Variants in CRIM1 observed in about 807,000 individuals in gnomAD.
CRIM1 encodes cysteine rich transmembrane BMP regulator 1.
CRIM1 carries 32 observed loss-of-function variants against 116.4 expected under a neutral mutation model. The observed-to-expected ratio is 0.27, with a 90% confidence interval of 0.21 to 0.37. CRIM1 has a LOEUF of 0.37. Among genes scored for constraint, CRIM1 ranks in the 10% least tolerant of loss-of-function variants. The pLI, the probability that CRIM1 is intolerant of heterozygous loss-of-function variation, is 1.00. For synonymous variants in CRIM1, 590 were observed against 509.2 expected (o/e 1.16, Z -2.13); for missense variants, 1,331 against 1,354.8 (o/e 0.98, Z 0.28).
chr2:36,491,260 C>T (rs929528772), intron 7 of CRIM1, among the ~76,000 whole-genome samples: 1 of 152,110 alleles, frequency 6.6e-6, no homozygotes, highest in East Asian at 1.9e-4. Context: ...ATCATATGAT[C>T]GTATTTTAAC....
chr2:36,537,104 T>C (rs574997332), intron 13 of CRIM1, among the ~76,000 whole-genome samples: 27 of 152,184 alleles, frequency 1.8e-4, no homozygotes, highest in Non-Finnish European at 2.9e-4. Flanking sequence ...AGGACACTTA[T>C]CTAACAGGTA....
intron 13 of CRIM1, among the ~76,000 whole-genome samples, chr2:36,527,469 CTG>C (rs1426021821): frequency 1.3e-5 from 2 of 152,132 alleles, no homozygotes; most frequent in Admixed American, 1.3e-4. Context: ...TGTGTTGTGA[CTG>C]TATTTCTTCT....
At chr2:36,455,630 G>T (rs931906279) in intron 4 of CRIM1, among the ~76,000 whole-genome samples, 2 of 152,226 alleles carry the variant, frequency 1.3e-5, no homozygotes, top group Non-Finnish European at 2.9e-5. Flanking sequence ...TGTGCAAGTA[G>T]CCAGTGGTCA....
At chr2:36,378,215 G>A (rs543483337) in intron 1 of CRIM1, 34 of 440,380 alleles carry the variant, frequency 7.7e-5, no homozygotes, top group African/African-American at 5.0e-4. Context: ...TAAGTCGCAG[G>A]TGTTCAGTAA....
chr2:36,443,561 G>A (rs1043512361), intron 4 of CRIM1, among the ~76,000 whole-genome samples: 13 of 152,088 alleles, frequency 8.5e-5, no homozygotes, highest in Non-Finnish European at 1.9e-4. Context: ...TTCGTTCTGC[G>A]TTTAATAGGA....
intron 2 of CRIM1, among the ~76,000 whole-genome samples, chr2:36,409,542 A>G (rs1004679791): frequency 6.6e-6 from 1 of 152,178 alleles, no homozygotes; most frequent in Non-Finnish European, 1.5e-5. Flanking sequence ...ATGAATATGG[A>G]AAGGACCTCG....
At chr2:36,428,159 T>C (rs1674602584) in intron 2 of CRIM1, among the ~76,000 whole-genome samples, 1 of 152,194 alleles carries the variant, frequency 6.6e-6, no homozygotes, top group South Asian at 2.1e-4. Context: ...ATGAGAAGGT[T>C]AGGATGATGA....
chr2:36,366,887 A>T (rs563460991), intron 1 of CRIM1, among the ~76,000 whole-genome samples: 1 of 152,214 alleles, frequency 6.6e-6, no homozygotes, highest in Non-Finnish European at 1.5e-5. Flanking sequence ...AGACTTTATG[A>T]AGTAGTTGGA....
At chr2:36,478,976 C>G (rs1016876728) in intron 6 of CRIM1, among the ~76,000 whole-genome samples, 1 of 152,186 alleles carries the variant, frequency 6.6e-6, no homozygotes, top group African/African-American at 2.4e-5. Flanking sequence ...TATGTCTAGA[C>G]TAGCCTTGTC....
intron 2 of CRIM1, among the ~76,000 whole-genome samples, chr2:36,416,162 C>T (rs1326357960): frequency 3.3e-5 from 5 of 151,894 alleles, no homozygotes; most frequent in Non-Finnish European, 7.4e-5. Flanking sequence ...GAGCAGAGAT[C>T]GTGCCACTGC....
intron 2 of CRIM1, among the ~76,000 whole-genome samples, chr2:36,399,853 GAA>G (rs1184296546): frequency 6.6e-6 from 1 of 152,172 alleles, no homozygotes; most frequent in Non-Finnish European, 1.5e-5. Flanking sequence ...AAATCAAAGA[GAA>G]AGAGGAAAAT....
chr2:36,522,013 T>A (rs1472972869), intron 12 of CRIM1, 79 bp from the exon 13 acceptor site: 5 of 1,163,348 alleles, frequency 4.3e-6, no homozygotes, highest in Non-Finnish European at 6.4e-6. Context: ...CATGACTGGG[T>A]GTGCTTTGAA....
chr2:36,472,589 A>T (rs1381124343), intron 5 of CRIM1, among the ~76,000 whole-genome samples: 2 of 152,156 alleles, frequency 1.3e-5, no homozygotes, highest in African/African-American at 4.8e-5. Context: ...GTCCACTTGA[A>T]GCAGCTTTAT....
chr2:36,538,339 A>G (rs971536134), intron 14 of CRIM1, among the ~76,000 whole-genome samples: 2 of 152,132 alleles, frequency 1.3e-5, no homozygotes, highest in Non-Finnish European at 2.9e-5. Context: ...ACTGACCCCT[A>G]GACACACAGA....
At position 36,537,546 on chromosome 2, in the gene CRIM1, G is replaced by C; in HGVS notation, c.2623G>C (p.Glu875Gln). The C allele has an allele frequency of 6.2e-7, 1 of 1,601,804 alleles. No homozygotes were observed. Among genetic ancestry groups the C allele is most frequent in the Non-Finnish European group, 8.5e-7 (1 of 1,174,030 alleles). ...VEGSCCPMCP[E>Q]MYVPEPTNIP... is the part of the protein sequence containing the mutation. ...AGGAAGTTGCTGCCCAATGTGTCCA[G>C]GTATCTAAGCCACCATCCTTCCATT... is the stretch of plus-strand genomic sequence containing the variant. Residue 875 changes from glutamate to glutamine, a missense_variant and splice_region_variant, in exon 14 of 17, where the codon GAA (glutamate) becomes CAA (glutamine). By Grantham distance (29) the Glu-to-Gln change is conservative. Around this residue, in one of 3 missense-constraint regions of CRIM1, gnomAD observed 283 missense variants for 242.8 expected, o/e 1.17. Coordinates refer to ENST00000280527, the MANE Select transcript of CRIM1 (RefSeq NM_016441.3).
chr2:36,544,228 G>GTGAT, intron 14 of CRIM1, 148 bp from the exon 15 acceptor site: 1 of 567,960 alleles, frequency 1.8e-6, no homozygotes, highest in Non-Finnish European at 2.7e-6. Context: ...TCTAGCATGA[G>GTGAT]TGATGAATGA....
At chr2:36,427,810 T>G (rs529202572) in intron 2 of CRIM1, among the ~76,000 whole-genome samples, 1 of 152,314 alleles carries the variant, frequency 6.6e-6, no homozygotes, top group East Asian at 1.9e-4. Flanking sequence ...TGCCCTTGTA[T>G]TCCATCTTGC....
intron 4 of CRIM1, among the ~76,000 whole-genome samples, chr2:36,444,927 C>T (rs1288877668): frequency 1.3e-5 from 2 of 152,152 alleles, no homozygotes; most frequent in African/African-American, 2.4e-5. Context: ...CTTAAGTGTC[C>T]CTCTCTGCTC....
At chr2:36,363,516 A>T (rs575294818) in intron 1 of CRIM1, among the ~76,000 whole-genome samples, 1 of 137,922 alleles carries the variant, frequency 7.3e-6, no homozygotes, top group Non-Finnish European at 1.5e-5. Flanking sequence ...TACTGAATTC[A>T]GCAGTCGTCG....
Sources: gnomAD v4.1 joint callset for allele counts (sites outside exome capture counted in the v4.1 genomes callset) on GRCh38, gnomAD v4.1.1 for gene constraint, gnomAD v4.1.1 regional missense constraint, MANE v1.5 for transcripts, NCBI Gene and HGNC (gene_info 2026-07-23, HGNC 2026-07-21) for gene names.